Variants in CNKSR2 observed in about 807,000 individuals in gnomAD.
The protein encoded by CNKSR2 is connector enhancer of kinase suppressor of Ras 2.
Under a neutral mutation model 84.4 loss-of-function variants are expected in CNKSR2, and 14 were observed. That is an observed-to-expected ratio of 0.17 (90% CI 0.11 to 0.26). The LOEUF (loss-of-function observed/expected upper bound fraction) is 0.26. CNKSR2 is among the 10% of genes least tolerant of loss of function. CNKSR2 has a pLI of 1.00. For missense variants in CNKSR2, 485 were observed against 771.2 expected (o/e 0.63, Z 4.40); for synonymous variants, 275 against 277.9 (o/e 0.99, Z 0.10).
At chrX:21,457,567 A>C (rs1441194492) in intron 4 of CNKSR2, among the ~76,000 whole-genome samples, 3 of 112,083 alleles carry the variant, frequency 2.7e-5, no homozygotes, top group Non-Finnish European at 1.9e-5. Context: ...TGTATGATAC[A>C]TCATGATATT....
At chrX:21,504,927 A>G in intron 8 of CNKSR2, 1 of 287,094 alleles carries the variant, frequency 3.5e-6, no homozygotes, top group Admixed American at 6.2e-5. Flanking sequence ...TTGAAGATCC[A>G]ACTCCTCAAA....
intron 2 of CNKSR2, among the ~76,000 whole-genome samples, chrX:21,431,812 A>G (rs192842330): frequency 1.8e-5 from 2 of 111,831 alleles, no homozygotes; most frequent in East Asian, 5.6e-4. Context: ...CGTTTCTGCT[A>G]TAAAGTATAA....
rs2092443446 is a variant in CNKSR2 at position 21,594,955 on chromosome X, A to G, written c.1831-19A>G. The G allele has an allele frequency of 1.7e-6, 2 of 1,176,222 alleles. No homozygotes were observed. The highest frequency in any genetic ancestry group is 3.6e-5 in the African/African-American group (2 of 56,332). On this transcript the variant is annotated intron_variant, in intron 15 of 21. Transcript: ENST00000379510. ...CACCTTTGTATATAATAAACTAACCAAGAGTCTTGGCTCTTCAGGATGAAA... is the reference window on the plus strand; with the variant it reads ...CACCTTTGTATATAATAAACTAACCGAGAGTCTTGGCTCTTCAGGATGAAA...
intron 5 of CNKSR2, among the ~76,000 whole-genome samples, chrX:21,472,865 TAAGG>T (rs1450721018): frequency 4.5e-5 from 5 of 111,274 alleles, no homozygotes; most frequent in African/African-American, 1.6e-4. Flanking sequence ...TTAATTAGAC[TAAGG>T]AAATAATCTC....
intron 13 of CNKSR2, among the ~76,000 whole-genome samples, chrX:21,564,067 G>A (rs929836731): frequency 2.7e-5 from 3 of 111,276 alleles, no homozygotes; most frequent in African/African-American, 6.5e-5. Flanking sequence ...ATTTTAGTGC[G>A]AAGGCATATG....
intron 6 of CNKSR2, chrX:21,495,822 A>AAAAAAAAC (rs1231075186): frequency 5.3e-5 from 4 of 75,877 alleles, no homozygotes; most frequent in Admixed American, 1.6e-4. Context: ...AAAAAAAAAA[A>AAAAAAAAC]CACGAAAAAT....
intron 18 of CNKSR2, among the ~76,000 whole-genome samples, chrX:21,604,323 G>C (rs1034448074): frequency 9.0e-6 from 1 of 110,581 alleles, no homozygotes; most frequent in African/African-American, 3.3e-5. Flanking sequence ...CTGTGGAGTG[G>C]GGGGAGGGGG....
At chrX:21,418,938 A>G (rs139151106) in intron 1 of CNKSR2, among the ~76,000 whole-genome samples, 4,511 of 110,534 alleles carry the variant, frequency 0.041, 87 homozygotes, top group African/African-American at 0.05. Context: ...GTATCGATGT[A>G]TTTCTCTAGG....
intron 8 of CNKSR2, chrX:21,503,881 T>C (rs1290563939): frequency 9.0e-6 from 1 of 111,194 alleles, no homozygotes; most frequent in Non-Finnish European, 1.9e-5. Context: ...AATAACAACT[T>C]TGCAACCGCC....
intron 11 of CNKSR2, among the ~76,000 whole-genome samples, chrX:21,546,062 C>T (rs181265873): frequency 5.5e-4 from 61 of 110,370 alleles, no homozygotes; most frequent in East Asian, 8.7e-4. Context: ...CAAAACTGGA[C>T]GGAAAATGAG....
intron 1 of CNKSR2, among the ~76,000 whole-genome samples, chrX:21,416,851 C>G (rs2090428963): frequency 1.1e-5 from 1 of 93,330 alleles, no homozygotes; most frequent in African/African-American, 7.4e-5. Context: ...AAAGGTTTGT[C>G]AACTTTAACT....
chrX:21,509,097 A>G (rs776659615), intron 8 of CNKSR2, among the ~76,000 whole-genome samples: 72 of 112,062 alleles, frequency 6.4e-4, no homozygotes, highest in Non-Finnish European at 1.1e-3. Context: ...AATACTACAT[A>G]TTTATACACA....
At chrX:21,598,315 A>ATTCC (rs975638723) in intron 17 of CNKSR2, among the ~76,000 whole-genome samples, 5 of 111,311 alleles carry the variant, frequency 4.5e-5, no homozygotes, top group Admixed American at 9.6e-5. Context: ...TGGCCTATAT[A>ATTCC]TTCCTTACCA....
intron 8 of CNKSR2, chrX:21,504,518 G>A (rs1007472992): frequency 8.7e-5 from 15 of 172,563 alleles, no homozygotes; most frequent in Non-Finnish European, 1.6e-4. Context: ...ATGACTATAG[G>A]TAGTAATGTA....
chrX:21,490,911 A>G (rs913737619), intron 6 of CNKSR2: 3 of 120,638 alleles, frequency 2.5e-5, no homozygotes, highest in Non-Finnish European at 5.1e-5. Flanking sequence ...AAACACCACA[A>G]TGTTACCTGC....
At chrX:21,504,605 A>G (rs2091593896) in intron 8 of CNKSR2, 2 of 265,821 alleles carry the variant, frequency 7.5e-6, no homozygotes, top group Admixed American at 1.3e-4. Context: ...AGAGTCTAAG[A>G]AAGTTGAATA....
intron 1 of CNKSR2, chrX:21,425,735 C>T (rs1298719864): frequency 3.6e-5 from 4 of 111,612 alleles, no homozygotes; most frequent in Non-Finnish European, 5.6e-5. Context: ...CAGGCCACTT[C>T]ACAGGTGATT....
At chrX:21,514,724 AT>A (rs1569215762) in intron 8 of CNKSR2, among the ~76,000 whole-genome samples, 1 of 111,780 alleles carries the variant, frequency 8.9e-6, no homozygotes, top group East Asian at 2.8e-4. Flanking sequence ...TTAGTTAGCA[AT>A]TATTTGAGTG....
intron 20 of CNKSR2, among the ~76,000 whole-genome samples, chrX:21,618,003 C>T (rs1268895745): frequency 9.6e-6 from 1 of 103,663 alleles, no homozygotes; most frequent in Admixed American, 1.1e-4. Flanking sequence ...GCTGAGCTTT[C>T]TTTATGAAGA....
Sources: allele counts gnomAD v4.1 joint callset (sites outside exome capture counted in the v4.1 genomes callset), GRCh38; gene constraint gnomAD v4.1.1; transcripts MANE v1.5; gene names NCBI Gene and HGNC (gene_info 2026-07-23, HGNC 2026-07-21).